The following SH3D19 variants were observed in gnomAD, a reference collection of about 807,000 sequenced individuals.
SH3D19 encodes SH3 domain-containing protein 19.
In SH3D19, 58 loss-of-function variants were observed where a neutral mutation model predicts 112.1. That is an observed-to-expected ratio of 0.52 (90% CI 0.42 to 0.64). The LOEUF is 0.64. SH3D19 is among the 30% of genes least tolerant of loss of function. The pLI, the probability that SH3D19 is intolerant of heterozygous loss-of-function variation, is 0.00. For missense variants in SH3D19, 1,090 were observed against 1,263.4 expected (o/e 0.86, Z 2.08); for synonymous variants, 391 against 448.5 (o/e 0.87, Z 1.62).
intron 1 of SH3D19, among the ~76,000 whole-genome samples, chr4:151,275,093 T>TG (rs1773487357): frequency 1.5e-5 from 2 of 132,208 alleles, no homozygotes; most frequent in South Asian, 2.1e-4. Context: ...CAAGATACGT[T>TG]TTTTTTTTTT....
At chr4:151,164,648 C>T (rs1014940450) in intron 8 of SH3D19, among the ~76,000 whole-genome samples, 1 of 151,022 alleles carries the variant, frequency 6.6e-6, no homozygotes, top group African/African-American at 2.4e-5. Context: ...GGCACGATCT[C>T]GGCTCACTGC....
chr4:151,172,411 G>A (rs1210318082), intron 7 of SH3D19, among the ~76,000 whole-genome samples: 4 of 152,150 alleles, frequency 2.6e-5, no homozygotes, highest in East Asian at 3.8e-4. Context: ...TGTCTGAGTG[G>A]GCTCAATTTG....
At chr4:151,214,158 A>G (rs1766488724) in intron 2 of SH3D19, among the ~76,000 whole-genome samples, 1 of 151,858 alleles carries the variant, frequency 6.6e-6, no homozygotes, top group South Asian at 2.1e-4. Context: ...GACACAGCAC[A>G]TGTTTCAGAG....
intron 1 of SH3D19, among the ~76,000 whole-genome samples, chr4:151,286,199 A>C (rs183180650): frequency 0.012 from 1,823 of 149,240 alleles, 41 homozygotes; most frequent in African/African-American, 0.036. Context: ...AAAAAAAAAA[A>C]AAAAACAACT....
intron 10 of SH3D19, 100 bp downstream of exon 10, chr4:151,149,399 TA>T: frequency 3.0e-5 from 28 of 927,690 alleles, no homozygotes; most frequent in South Asian, 9.4e-5. Context: ...ATTTTATCTC[TA>T]AAAAAAGATT....
chr4:151,217,814 G>C (rs925437040), intron 2 of SH3D19, among the ~76,000 whole-genome samples: 4 of 152,008 alleles, frequency 2.6e-5, no homozygotes, highest in African/African-American at 9.7e-5. Context: ...GGTTACACTG[G>C]AAAATTTTAT....
chr4:151,278,832 C>T (rs1561424540), intron 1 of SH3D19, among the ~76,000 whole-genome samples: 5 of 152,138 alleles, frequency 3.3e-5, no homozygotes, highest in Non-Finnish European at 7.4e-5. Context: ...GGTGTTTGGC[C>T]ATGTTGCCCA....
intron 9 of SH3D19, among the ~76,000 whole-genome samples, chr4:151,157,419 C>A (rs530376797): frequency 7.8e-4 from 65 of 83,634 alleles, no homozygotes; most frequent in Non-Finnish European, 1.8e-4. Context: ...TGGCTATTAT[C>A]TAAAAGATAA....
chr4:151,227,150 G>A (rs765323564), intron 1 of SH3D19, among the ~76,000 whole-genome samples: 3 of 152,228 alleles, frequency 2.0e-5, no homozygotes, highest in East Asian at 1.9e-4. Context: ...TAATGGCAAC[G>A]TAAAGATTAA....
chr4:151,265,176 G>T (rs968615091), intron 1 of SH3D19, among the ~76,000 whole-genome samples: 3 of 151,926 alleles, frequency 2.0e-5, no homozygotes, highest in Non-Finnish European at 4.4e-5. Context: ...TTATAAGCAG[G>T]ATAAAGAATG....
chr4:151,193,158 C>T (rs1215172101), intron 2 of SH3D19, among the ~76,000 whole-genome samples: 4 of 152,120 alleles, frequency 2.6e-5, no homozygotes, highest in Non-Finnish European at 5.9e-5. Flanking sequence ...ATAAGCAAAT[C>T]CCCAGGGATA....
At position 151,139,931 on chromosome 4, in the gene SH3D19, C is replaced by T. The variant is rs565895497; in HGVS notation, c.2224-84G>A. On this transcript the variant is annotated intron_variant, in intron 12 of 19. Transcript: ENST00000604030. ...TCACTCTGAGACCAATTTTTTTTTT[C>T]TCATTAGAGTCCTCTTGACACAATT... 3.6e-5 allele frequency: 40 copies of T among 1,122,348 alleles called. No individual in the cohort carries two copies. The African/African-American group carries it at 5.7e-4, about 16-fold the overall frequency. The allele number at this position is 1,122,348 out of a possible 1,614,324, so 69.5% of individuals were successfully genotyped here.
intron 2 of SH3D19, among the ~76,000 whole-genome samples, chr4:151,210,135 T>C (rs890602946): frequency 6.6e-6 from 1 of 152,280 alleles, no homozygotes; most frequent in Non-Finnish European, 1.5e-5. Flanking sequence ...ATATGAAAAG[T>C]CTTAAAATAT....
intron 1 of SH3D19, among the ~76,000 whole-genome samples, chr4:151,231,264 T>A (rs2149956686): frequency 6.6e-6 from 1 of 152,330 alleles, no homozygotes; most frequent in East Asian, 1.9e-4. Flanking sequence ...ATGGATGGGA[T>A]TTTACTTATC....
At chr4:151,134,969 G>C in intron 15 of SH3D19, 105 bp downstream of exon 15, 1 of 913,038 alleles carries the variant, frequency 1.1e-6, no homozygotes. Flanking sequence ...ATACAGGTCT[G>C]AGCCACCATG....
intron 1 of SH3D19, among the ~76,000 whole-genome samples, chr4:151,293,845 G>A (rs1264569894): frequency 1.3e-5 from 2 of 152,090 alleles, no homozygotes; most frequent in African/African-American, 4.8e-5. Context: ...TATTCTCTAT[G>A]CTTAAACTTC....
intron 15 of SH3D19, among the ~76,000 whole-genome samples, chr4:151,133,884 C>T (rs1018395794): frequency 6.6e-6 from 1 of 151,994 alleles, no homozygotes; most frequent in Non-Finnish European, 1.5e-5. Context: ...GCAATTTTGA[C>T]TGAAAATAAG....
chr4:151,166,202 C>T (rs1243137329), intron 7 of SH3D19: 1 of 152,202 alleles, frequency 6.6e-6, no homozygotes, highest in Non-Finnish European at 1.5e-5. Context: ...AGTAAAACTA[C>T]ACTTCAGTAA....
At chr4:151,256,370 T>G (rs911701960) in intron 1 of SH3D19, among the ~76,000 whole-genome samples, 1 of 152,240 alleles carries the variant, frequency 6.6e-6, no homozygotes, top group African/African-American at 2.4e-5. Context: ...AAAGCACAGC[T>G]GGAAGCAGAA....
Sources: gnomAD v4.1 joint callset for allele counts (sites outside exome capture counted in the v4.1 genomes callset) on GRCh38, gnomAD v4.1.1 for gene constraint, MANE v1.5 for transcripts, NCBI Gene and HGNC (gene_info 2026-07-23, HGNC 2026-07-21) for gene names.